The following TTC27 variants were observed in gnomAD, a reference collection of about 807,000 sequenced individuals.
The protein encoded by TTC27 is tetratricopeptide repeat protein 27.
TTC27 carries 79 observed loss-of-function variants against 115.9 expected under a neutral mutation model. That is an observed-to-expected ratio of 0.68 (90% CI 0.57 to 0.82). The LOEUF (loss-of-function observed/expected upper bound fraction) is 0.82, where lower values mean the gene tolerates loss of function less well. Among genes scored for constraint, TTC27 ranks in the 40% least tolerant of loss-of-function variants. The probability of loss-of-function intolerance (pLI) is 0.00; values close to 1 mark genes in which losing one functional copy is unlikely to be tolerated. For missense variants in TTC27, 1,054 were observed against 993.1 expected (o/e 1.06, Z -0.82); for synonymous variants, 401 against 356.0 (o/e 1.13, Z -1.42).
intron 9 of TTC27, among the ~76,000 whole-genome samples, chr2:32,682,844 GTTGT>G (rs1276531845): frequency 5.4e-4 from 31 of 56,982 alleles, no homozygotes; most frequent in African/African-American, 1.5e-3. Flanking sequence ...AATTTTTATT[GTTGT>G]TTTTTTTTTT....
intron 13 of TTC27, among the ~76,000 whole-genome samples, chr2:32,772,250 C>T (rs1267819223): frequency 6.6e-6 from 1 of 152,122 alleles, no homozygotes; most frequent in Admixed American, 6.5e-5. Flanking sequence ...ATATTTCACA[C>T]TTGGGTTGAG....
Position 32,758,363 on chromosome 2 carries a change from C to T in TTC27, c.1524C>T (p.Val508=). 1 of 1,614,196 alleles carries T rather than the reference C, an allele frequency of 6.2e-7. No homozygotes were observed. The highest frequency in any genetic ancestry group is 8.5e-7 in the Non-Finnish European group (1 of 1,180,042). The change falls in exon 13 of 20, where the codon GTC becomes GTT. Residue 508 remains valine (V), a synonymous_variant. Coordinates refer to ENST00000317907, the MANE Select transcript of TTC27 (RefSeq NM_017735.5). ...GTTTATACTGCTTGCTTGGAGATGT[C>T]CTCGGAGACCATTCTTGCTATGACA... ...TPSLYCLLGD[V]LGDHSCYDKA...
chr2:32,677,676 C>T (rs1666263774), intron 8 of TTC27, among the ~76,000 whole-genome samples: 1 of 152,106 alleles, frequency 6.6e-6, no homozygotes. Flanking sequence ...GTCTCGATCT[C>T]TTGACCTCAT....
rs147179174 is a variant in TTC27, at chr2:32,757,367, C to T, written c.1453-925C>T. On this transcript the variant is annotated intron_variant, in intron 12 of 19. Coordinates refer to ENST00000317907, the MANE Select transcript of TTC27 (RefSeq NM_017735.5). ...TGATATCATTAAGTAAACCTCTCTTCGGTGCCTTTCCTTGAGGACCCCAGA... is the reference window on the plus strand; with the variant it reads ...TGATATCATTAAGTAAACCTCTCTTTGGTGCCTTTCCTTGAGGACCCCAGA... 3.9e-3 allele frequency among the ~76,000 whole-genome samples: 591 copies of T among 152,326 alleles called. 4 individuals are homozygous for T. Among genetic ancestry groups the T allele is most frequent in the South Asian group, 0.02 (95 of 4,820 alleles).
At chr2:32,670,699 C>A (rs1228328243) in intron 7 of TTC27, among the ~76,000 whole-genome samples, 1 of 152,008 alleles carries the variant, frequency 6.6e-6, no homozygotes, top group African/African-American at 2.4e-5. Flanking sequence ...CTTACTGCAA[C>A]CTCCACCTCC....
intron 4 of TTC27, 100 bp downstream of exon 4, chr2:32,640,510 T>A: frequency 7.9e-7 from 1 of 1,270,826 alleles, no homozygotes. Flanking sequence ...GTCTATTTTG[T>A]TTTCTAAGTC....
intron 16 of TTC27, among the ~76,000 whole-genome samples, chr2:32,791,441 T>A (rs1292490913): frequency 2.0e-5 from 3 of 152,204 alleles, no homozygotes; most frequent in African/African-American, 7.2e-5. Flanking sequence ...TTAACACAGG[T>A]TATCTTTTAT....
intron 16 of TTC27, among the ~76,000 whole-genome samples, chr2:32,797,160 T>G: frequency 8.1e-6 from 1 of 123,332 alleles, no homozygotes; most frequent in Admixed American, 8.9e-5. Context: ...GGAGACAGAG[T>G]GAAACTCTGT....
chr2:32,733,955 A>G (rs780878458), intron 11 of TTC27, 32 bp downstream of exon 11: 5 of 1,457,682 alleles, frequency 3.4e-6, no homozygotes, highest in Non-Finnish European at 4.8e-6. Context: ...GGGTATGGAA[A>G]TTACTTGGCA....
chr2:32,772,434 C>A (rs994531419), intron 13 of TTC27, among the ~76,000 whole-genome samples: 1 of 152,160 alleles, frequency 6.6e-6, no homozygotes, highest in Non-Finnish European at 1.5e-5. Context: ...CACTTAATAA[C>A]TTTTTGACTT....
chr2:32,674,819 C>T (rs1263805373), intron 8 of TTC27, among the ~76,000 whole-genome samples: 5 of 152,086 alleles, frequency 3.3e-5, no homozygotes, highest in Non-Finnish European at 7.4e-5. Flanking sequence ...ACCACCACAG[C>T]TGGCTAATTT....
chr2:32,684,611 A>G (rs1334783439), intron 9 of TTC27, among the ~76,000 whole-genome samples: 1 of 152,146 alleles, frequency 6.6e-6, no homozygotes, highest in Non-Finnish European at 1.5e-5. Flanking sequence ...CTTTAAAGCT[A>G]TTTAATAAAT....
At chr2:32,720,891 C>T (rs993507587) in intron 10 of TTC27, among the ~76,000 whole-genome samples, 5 of 152,178 alleles carry the variant, frequency 3.3e-5, no homozygotes, top group African/African-American at 1.2e-4. Context: ...TGTATTTTCG[C>T]ATATCTTCTT....
chr2:32,712,039 A>G (rs984350669), intron 10 of TTC27, among the ~76,000 whole-genome samples: 14 of 152,304 alleles, frequency 9.2e-5, no homozygotes, highest in Middle Eastern at 3.4e-3. Flanking sequence ...TGCAGGTGTG[A>G]TGAAGTCAGG....
At chr2:32,712,688 C>T (rs79743528) in intron 10 of TTC27, among the ~76,000 whole-genome samples, 1 of 151,930 alleles carries the variant, frequency 6.6e-6, no homozygotes, top group East Asian at 1.9e-4. Flanking sequence ...CTCCCAACTA[C>T]AGGTGTGCGT....
At chr2:32,702,476 G>C (rs578159038) in intron 9 of TTC27, among the ~76,000 whole-genome samples, 1 of 152,176 alleles carries the variant, frequency 6.6e-6, no homozygotes, top group South Asian at 2.1e-4. Flanking sequence ...GGGTAATGGT[G>C]GTCACAGCTT....
chr2:32,803,268 C>A (rs1317234648), intron 16 of TTC27, among the ~76,000 whole-genome samples: 1 of 152,234 alleles, frequency 6.6e-6, no homozygotes, highest in Non-Finnish European at 1.5e-5. Context: ...CTCTTAGGCG[C>A]CGGCCAGGCT....
chr2:32,769,622 T>A lies in TTC27; in HGVS notation c.1681-8260T>A, dbSNP rs189353784. Among the ~76,000 whole-genome samples, 305 of 151,738 alleles carry A rather than the reference T, an allele frequency of 2.0e-3. 1 individual carries two copies. The highest frequency in any genetic ancestry group is 3.2e-3 in the Non-Finnish European group (218 of 67,972). ...GGAGAGAGGGGAGATAAATAGGGAA[T>A]ATCATTCTAGGGGAGAGTGGAATGA... On this transcript the variant is annotated intron_variant, in intron 13 of 19. Coordinates refer to ENST00000317907, the MANE Select transcript of TTC27 (RefSeq NM_017735.5).
intron 9 of TTC27, among the ~76,000 whole-genome samples, chr2:32,692,714 G>A (rs1478548792): frequency 6.6e-6 from 1 of 152,106 alleles, no homozygotes; most frequent in Admixed American, 6.6e-5. Context: ...GTTTACACCT[G>A]TAATCCCAGC....
Sources: allele counts gnomAD v4.1 joint callset (sites outside exome capture counted in the v4.1 genomes callset), GRCh38; gene constraint gnomAD v4.1.1; transcripts MANE v1.5; gene names NCBI Gene and HGNC (gene_info 2026-07-23, HGNC 2026-07-21).